SAXO1: variants seen among roughly 807,000 people sequenced by gnomAD.
SAXO1 encodes stabilizer of axonemal microtubules 1.
Under a neutral mutation model 17.5 loss-of-function variants are expected in SAXO1, and 21 were observed. The observed-to-expected ratio is 1.20, with a 90% confidence interval of 0.85 to 1.72. The LOEUF is 1.72. Ranked by LOEUF, SAXO1 falls within the 40% of genes most tolerant of loss-of-function variation. SAXO1 has a pLI of 0.00. For synonymous variants in SAXO1, 274 were observed against 216.5 expected, an observed-to-expected ratio of 1.27 and a Z score of -2.33; for missense variants, 843 against 596.0, an observed-to-expected ratio of 1.41 and a Z score of -4.32.
At chr9:19,019,776 G>A (rs1835146970) in intron 1 of SAXO1, among the ~76,000 whole-genome samples, 1 of 152,018 alleles carries the variant, frequency 6.6e-6, no homozygotes, top group South Asian at 2.1e-4. Flanking sequence ...ATTTCTTATG[G>A]TTCTAACTGT....
At chr9:18,944,459 C>T (rs1441092297) in intron 2 of SAXO1, among the ~76,000 whole-genome samples, 1 of 152,162 alleles carries the variant, frequency 6.6e-6, no homozygotes, top group South Asian at 2.1e-4. Flanking sequence ...TTTAGTCTCC[C>T]CAGAATTGCT....
chr9:19,017,212 C>CA (rs1210972691), intron 1 of SAXO1, among the ~76,000 whole-genome samples: 2 of 151,880 alleles, frequency 1.3e-5, no homozygotes, highest in East Asian at 1.9e-4. Context: ...CAATTGATGC[C>CA]AAAAAATCTG....
At chr9:19,017,199 G>A (rs951327914) in intron 1 of SAXO1, among the ~76,000 whole-genome samples, 2 of 152,020 alleles carry the variant, frequency 1.3e-5, no homozygotes, top group Non-Finnish European at 2.9e-5. Context: ...GAAAAAAAAA[G>A]ATCAATTGAT....
At chr9:19,034,306 G>A (rs1563995830), upstream of SAXO1, among the ~76,000 whole-genome samples, 1 of 151,984 alleles carries the variant, frequency 6.6e-6, no homozygotes, top group Admixed American at 6.6e-5. Flanking sequence ...TCAGTAATAG[G>A]CTCTAGAATA....
intron 3 of SAXO1, among the ~76,000 whole-genome samples, chr9:18,936,360 C>A (rs911618290): frequency 5.3e-5 from 8 of 152,136 alleles, no homozygotes; most frequent in African/African-American, 1.9e-4. Context: ...GTTTCCTGCC[C>A]ACCCCGGCCC....
At chr9:18,934,359 CTTAAT>C (rs1831195658) in intron 3 of SAXO1, among the ~76,000 whole-genome samples, 1 of 152,128 alleles carries the variant, frequency 6.6e-6, no homozygotes, top group African/African-American at 2.4e-5. Context: ...GGACCTTTCT[CTTAAT>C]TTTTTTCTGT....
chr9:19,024,898 C>T (rs1835411074), intron 1 of SAXO1, among the ~76,000 whole-genome samples: 1 of 152,138 alleles, frequency 6.6e-6, no homozygotes, highest in African/African-American at 2.4e-5. Flanking sequence ...TTTAAAACTG[C>T]CCACTACAGA....
chr9:19,043,767 C>T (rs1290815044), intron 1 of SAXO1, among the ~76,000 whole-genome samples: 3 of 145,142 alleles, frequency 2.1e-5, no homozygotes, highest in Non-Finnish European at 4.5e-5. Flanking sequence ...GACCCTGTCT[C>T]GAAAAAAAAA....
intron 1 of SAXO1, among the ~76,000 whole-genome samples, chr9:19,047,191 C>G (rs1836238182): frequency 6.6e-6 from 1 of 151,946 alleles, no homozygotes; most frequent in Non-Finnish European, 1.5e-5. Context: ...CATCTCAAAA[C>G]AAAAACAAAA....
At chr9:19,034,043 C>G (rs1229687415), upstream of SAXO1, among the ~76,000 whole-genome samples, 1 of 152,218 alleles carries the variant, frequency 6.6e-6, no homozygotes, top group East Asian at 1.9e-4. Flanking sequence ...CAACAAGAAG[C>G]CAGGTGATTC....
chr9:19,001,602 G>A (rs1007292858), intron 1 of SAXO1, among the ~76,000 whole-genome samples: 4 of 151,434 alleles, frequency 2.6e-5, no homozygotes, highest in Admixed American at 1.3e-4. Flanking sequence ...GGGAGGCGGA[G>A]CTTGCACTGA....
chr9:18,959,131 G>A (rs1832378470), intron 1 of SAXO1, among the ~76,000 whole-genome samples: 2 of 152,174 alleles, frequency 1.3e-5, no homozygotes, highest in East Asian at 3.8e-4. Flanking sequence ...TGCTGAAGAA[G>A]TGGTTCAACA....
intron 1 of SAXO1, among the ~76,000 whole-genome samples, chr9:18,990,780 G>A (rs760616560): frequency 5.3e-5 from 8 of 152,264 alleles, no homozygotes; most frequent in Non-Finnish European, 1.2e-4. Context: ...AGTGAACTGC[G>A]CATGCAAGCG....
In SAXO1 at chr9:18,939,205, A is replaced by G. The variant is rs548311327; in HGVS notation, c.421+2432T>C. ...TACTGCAGTTTCATTCCTCTATCCC[A>G]CTAGCTCAATGTCTGTGCTGCCTTA... On this transcript the variant is annotated intron_variant, in intron 3 of 3. Transcript: ENST00000380534. Among the ~76,000 whole-genome samples, 3 of 152,224 alleles carry G rather than the reference A, an allele frequency of 2.0e-5. No homozygotes were observed. The South Asian group carries it at 6.2e-4, about 32-fold the overall frequency.
At chr9:18,966,945 G>A (rs1832742678) in intron 1 of SAXO1, among the ~76,000 whole-genome samples, 1 of 152,148 alleles carries the variant, frequency 6.6e-6, no homozygotes, top group Non-Finnish European at 1.5e-5. Flanking sequence ...CATGCTTTTT[G>A]TTGATATTGA....
intron 1 of SAXO1, among the ~76,000 whole-genome samples, chr9:19,039,005 TTA>T (rs1212697489): frequency 6.6e-6 from 1 of 152,094 alleles, no homozygotes; most frequent in African/African-American, 2.4e-5. Flanking sequence ...TTCTGTGGCC[TTA>T]TAACTCACCC....
chr9:18,967,986 G>A (rs758413451), intron 1 of SAXO1, among the ~76,000 whole-genome samples: 12 of 152,108 alleles, frequency 7.9e-5, no homozygotes, highest in African/African-American at 1.4e-4. Context: ...CACAGCCTCC[G>A]ATGGCTAAGT....
At position 18,941,714 on chromosome 9, in the gene SAXO1, C is replaced by A; in HGVS notation, c.344G>T (p.Cys115Phe). The change falls in exon 3 of 4, where the codon TGT becomes TTT. Residue 115 changes from cysteine to phenylalanine, a missense_variant. Coordinates refer to ENST00000380534, the MANE Select transcript of SAXO1 (RefSeq NM_153707.4). ...CCGAGGTTTGATGGGGTCCACTCGACAGACAGGGTAGGGATTGTAATCTTT... is the reference window on the plus strand; with the variant it reads ...CCGAGGTTTGATGGGGTCCACTCGAAAGACAGGGTAGGGATTGTAATCTTT... ...YKKDYNPYPV[C>F]RVDPIKPRDS... is the part of the protein sequence containing the mutation. 1 of 1,614,160 alleles carries A rather than the reference C, an allele frequency of 6.2e-7. No individual in the cohort carries two copies. Among genetic ancestry groups the A allele is most frequent in the South Asian group, 1.1e-5 (1 of 91,082 alleles).
chr9:18,989,385 C>G (rs1474133345), intron 1 of SAXO1, among the ~76,000 whole-genome samples: 1 of 152,068 alleles, frequency 6.6e-6, no homozygotes, highest in Non-Finnish European at 1.5e-5. Context: ...TTATAAAAAG[C>G]TTTGAAATTT....
Sources: gnomAD v4.1 joint callset for allele counts (sites outside exome capture counted in the v4.1 genomes callset) on GRCh38, gnomAD v4.1.1 for gene constraint, MANE v1.5 for transcripts, NCBI Gene and HGNC (gene_info 2026-07-23, HGNC 2026-07-21) for gene names.